The following PPIL2 variants were observed in gnomAD, a reference collection of about 807,000 sequenced individuals.
The protein encoded by PPIL2 is RING-type E3 ubiquitin-protein ligase PPIL2.
In PPIL2, 50 loss-of-function variants were observed where a neutral mutation model predicts 75.2. The observed-to-expected ratio is 0.66, with a 90% CI of 0.53 to 0.84. PPIL2 has a LOEUF of 0.84. Ranked by LOEUF, PPIL2 falls within the 40% of genes least tolerant of loss-of-function variation. PPIL2 has a pLI of 0.00. For missense variants in PPIL2, 590 were observed against 685.0 expected, an observed-to-expected ratio of 0.86 and a Z score of 1.55; for synonymous variants, 245 against 258.8, an observed-to-expected ratio of 0.95 and a Z score of 0.51.
intron 14 of PPIL2, 55 bp downstream of exon 14, chr22:21,688,161 G>A (rs2067458317): frequency 7.5e-6 from 12 of 1,608,048 alleles, no homozygotes; most frequent in Non-Finnish European, 8.5e-7. Flanking sequence ...CGTGGGGCAT[G>A]AGGGGGTAGC....
At chr22:21,684,308 C>T (rs1293470967) in intron 9 of PPIL2, among the ~76,000 whole-genome samples, 3 of 25,744 alleles carry the variant, frequency 1.2e-4, no homozygotes, top group Admixed American at 3.7e-4. Context: ...AAAAATTAGC[C>T]GGGCGTGGTG....
chr22:21,687,686 A>G lies in PPIL2; in HGVS notation c.941A>G (p.His314Arg). The change falls in exon 13 of 20, where the codon CAT (histidine) becomes CGT (arginine). Residue 314 changes from histidine to arginine, a missense_variant. His to Arg is a conservative substitution (Grantham distance 29). Transcript: ENST00000398831. ...CENFIRLCKK[H>R]YYDGTIFHRS... ...AACTTCATCAGGCTTTGCAAGAAGCATTATTACGATGGCACCATCTTCCAC... is the reference window on the plus strand; with the variant it reads ...AACTTCATCAGGCTTTGCAAGAAGCGTTATTACGATGGCACCATCTTCCAC... 1 of 1,613,782 alleles carries G rather than the reference A, an allele frequency of 6.2e-7. No homozygotes were observed. The highest frequency in any genetic ancestry group is 8.5e-7 in the Non-Finnish European group (1 of 1,179,804).
chr22:21,688,104 CGGGTA>C lies in PPIL2; in HGVS notation c.1021+1_1021+5del, dbSNP rs760305922. 1 of 1,614,196 alleles carries C rather than the reference CGGGTA, an allele frequency of 6.2e-7. No homozygotes were observed. The highest frequency in any genetic ancestry group is 8.5e-7 in the Non-Finnish European group (1 of 1,180,030). On this transcript the variant is annotated splice_donor_variant and splice_donor_region_variant and coding_sequence_variant and intron_variant, in exon 14 of 20. Coordinates refer to ENST00000398831, the MANE Select transcript of PPIL2 (RefSeq NM_014337.4). LOFTEE classifies it high-confidence loss of function. ...GGGGGCGACCCCACAGGCACAGGCA[CGGGTA>C]GGTACTGGTGCTGGGCCCCTCTCTG... is the stretch of plus-strand genomic sequence containing the variant.
At chr22:21,695,250 G>T in intron 19 of PPIL2, 144 bp from the exon 20 acceptor site, 2 of 1,325,492 alleles carry the variant, frequency 1.5e-6, no homozygotes, top group Non-Finnish European at 2.0e-6. Flanking sequence ...GGCCTCTGTG[G>T]GTGGAAGAGA....
rs1418929350 is a variant in PPIL2 at position 21,683,311 on chromosome 22, A to G, written c.553+54A>G. ...GAGGGGGCTTTTGGATGAAATTGGGACAGTGCTCCCTGGGTAAAGCCCCCG... is the reference window on the plus strand; with the variant it reads ...GAGGGGGCTTTTGGATGAAATTGGGGCAGTGCTCCCTGGGTAAAGCCCCCG... On this transcript the variant is annotated intron_variant, in intron 9 of 19. Transcript: ENST00000398831. 16 of 1,479,196 alleles carry G rather than the reference A, an allele frequency of 1.1e-5. No homozygotes were observed. The East Asian group carries it at 3.6e-4, about 33-fold the overall frequency. The allele number at this position is 1,479,196 out of a possible 1,614,324, so 91.6% of individuals were successfully genotyped here. A position where few individuals can be genotyped will look rare whatever the true frequency, so the allele number is the denominator to read the frequency against.
chr22:21,676,091 C>G lies in PPIL2; in HGVS notation c.295+976C>G, dbSNP rs555465472. On this transcript the variant is annotated intron_variant, in intron 6 of 19. Transcript: ENST00000398831. Reference sequence around the variant, plus strand: ...CACCTGAGGCCAAGGCCCTTTTGCCCCGCTTGTCTGAGCCCAGAGCCCGGT... The same window carrying G: ...CACCTGAGGCCAAGGCCCTTTTGCCGCGCTTGTCTGAGCCCAGAGCCCGGT... Among the ~76,000 whole-genome samples, 14 of 152,314 alleles carry G rather than the reference C, an allele frequency of 9.2e-5. No homozygotes were observed. The East Asian group carries it at 2.7e-3, about 29-fold the overall frequency.
intron 5 of PPIL2, among the ~76,000 whole-genome samples, chr22:21,673,276 G>T (rs1262561661): frequency 6.6e-6 from 1 of 152,188 alleles, no homozygotes; most frequent in East Asian, 1.9e-4. Context: ...TTCCCCCAAG[G>T]TCCGTGCCCC....
rs1215032352 is a variant in PPIL2 at position 21,669,902 on chromosome 22, C to G, written c.33-11C>G. On this transcript the variant is annotated splice_polypyrimidine_tract_variant and intron_variant, in intron 1 of 19. Coordinates refer to ENST00000398831, the MANE Select transcript of PPIL2 (RefSeq NM_014337.4). ...GTGGTGGTGGTAGCATTATCTTCCT[C>G]TCTTCTTCAGGTACATTACCTGTGC... 1 of 1,613,066 alleles carries G rather than the reference C, an allele frequency of 6.2e-7. No individual in the cohort carries two copies.
chr22:21,686,759 CG>C (rs1463920429), intron 11 of PPIL2, 132 bp from the exon 12 acceptor site: 1 of 1,056,582 alleles, frequency 9.5e-7, no homozygotes, highest in East Asian at 2.4e-5. Context: ...AGCAGACCCT[CG>C]GCCTCCAGCT....
At chr22:21,682,649 C>A in intron 8 of PPIL2, 123 bp downstream of exon 8, 1 of 545,884 alleles carries the variant, frequency 1.8e-6, no homozygotes, top group South Asian at 2.6e-5. Flanking sequence ...CCTGAGGCAT[C>A]TGAATAGCCA....
chr22:21,670,632 C>T (rs759103241), intron 3 of PPIL2, 21 bp downstream of exon 3: 1 of 1,597,088 alleles, frequency 6.3e-7, no homozygotes, highest in Admixed American at 1.7e-5. Context: ...TGCGAGTTTA[C>T]CTTTCCCTTG....
intron 5 of PPIL2, 85 bp from the exon 6 acceptor site, chr22:21,674,979 C>A: frequency 7.6e-7 from 1 of 1,308,666 alleles, no homozygotes; most frequent in African/African-American, 1.4e-5. Context: ...TAGTCAGAGA[C>A]TTTTCCTGCC....
At position 21,671,000 on chromosome 22, in the gene PPIL2, C is replaced by A; in HGVS notation, c.132C>A (p.Leu44=). The change falls in exon 4 of 20, where the codon CTC becomes CTA. Residue 44 remains leucine, a synonymous_variant. Coordinates refer to ENST00000398831, the MANE Select transcript of PPIL2 (RefSeq NM_014337.4). ...AGGAATGACTGTCCTTTTTCAGTCT[C>A]TCTCTGCAGCCCTTTGTCTACCCAG... is the stretch of plus-strand genomic sequence containing the variant. ...FRRLPFDHCS[L]SLQPFVYPVC... The A allele has an allele frequency of 6.2e-7, 1 of 1,612,320 alleles. No individual in the cohort carries two copies. Among genetic ancestry groups the A allele is most frequent in the Non-Finnish European group, 8.5e-7 (1 of 1,178,266 alleles).
At chr22:21,688,325 G>A (rs1160482327) in intron 14 of PPIL2, among the ~76,000 whole-genome samples, 5 of 152,202 alleles carry the variant, frequency 3.3e-5, no homozygotes, top group African/African-American at 1.2e-4. Flanking sequence ...GCAAGAGTGT[G>A]TGGTCTCTTC....
chr22:21,693,827 T>G lies in PPIL2; in HGVS notation c.1151T>G (p.Phe384Cys). 1.3e-6 allele frequency: 2 copies of G among 1,543,232 alleles called. No homozygotes were observed. Among genetic ancestry groups the G allele is most frequent in the East Asian group, 4.5e-5 (2 of 44,520 alleles). ...NSNRSQFFIT[F>C]RSCAYLDKKH... ...GCCCTCCTCCCCAGCTTCATCACGTTTCGCTCCTGTGCCTACCTGGACAAG... is the reference window on the plus strand; with the variant it reads ...GCCCTCCTCCCCAGCTTCATCACGTGTCGCTCCTGTGCCTACCTGGACAAG... Residue 384 changes from phenylalanine (F) to cysteine (C), a missense_variant, in exon 16 of 20, where the codon TTT becomes TGT. Coordinates refer to ENST00000398831, the MANE Select transcript of PPIL2 (RefSeq NM_014337.4).
intron 6 of PPIL2, among the ~76,000 whole-genome samples, chr22:21,679,021 C>T (rs2066994961): frequency 6.6e-6 from 1 of 151,624 alleles, no homozygotes; most frequent in African/African-American, 2.4e-5. Context: ...CTCAGCCTCC[C>T]GAGTGGCTGG....
Position 21,694,638 on chromosome 22 carries a change from G to A in PPIL2, c.1242G>A (p.Glu414=). The change falls in exon 17 of 20, where the codon GAG becomes GAA. Residue 414 remains glutamate, a synonymous_variant. Coordinates refer to ENST00000398831, the MANE Select transcript of PPIL2 (RefSeq NM_014337.4). ...FDVLTAMENV[E]SDPKTDRPKE... ...TACTGACAGCCATGGAGAATGTGGA[G>A]AGTGACCCCAAAACTGACCGCCCTA... The A allele has an allele frequency of 6.2e-7, 1 of 1,614,144 alleles. No individual in the cohort carries two copies. The highest frequency in any genetic ancestry group is 8.5e-7 in the Non-Finnish European group (1 of 1,180,024).
intron 1 of PPIL2, among the ~76,000 whole-genome samples, chr22:21,667,863 C>T (rs1183204059): frequency 6.6e-6 from 1 of 150,614 alleles, no homozygotes; most frequent in Non-Finnish European, 1.5e-5. Context: ...GCAACCTCTA[C>T]TTCCCACATT....
chr22:21,681,361 A>T lies in PPIL2; in HGVS notation c.358A>T (p.Arg120Trp). Residue 120 changes from arginine (R) to tryptophan (W), a missense_variant, in exon 7 of 20, where the codon AGG (arginine) becomes TGG (tryptophan). Physicochemically the swap from Arg to Trp is moderately radical, Grantham distance 101. Coordinates refer to ENST00000398831, the MANE Select transcript of PPIL2 (RefSeq NM_014337.4). Reference sequence around the variant, plus strand: ...CAACAACACCCACATCGTGGCTGTGAGGACGACCGGCAACGTCTACGCCTA... The same window carrying T: ...CAACAACACCCACATCGTGGCTGTGTGGACGACCGGCAACGTCTACGCCTA... ...FTNNTHIVAV[R>W]TTGNVYAYEA... 6.2e-7 allele frequency: 1 copy of T among 1,614,116 alleles called. No homozygotes were observed. Among genetic ancestry groups the T allele is most frequent in the Non-Finnish European group, 8.5e-7 (1 of 1,179,952 alleles).
Sources: allele counts gnomAD v4.1 joint callset (sites outside exome capture counted in the v4.1 genomes callset), GRCh38; gene constraint gnomAD v4.1.1; transcripts MANE v1.5; gene names NCBI Gene and HGNC (gene_info 2026-07-23, HGNC 2026-07-21).